The following PYCR1 variants were observed in gnomAD, a reference collection of about 807,000 sequenced individuals.
The protein encoded by PYCR1 is pyrroline-5-carboxylate reductase 1, also known as pyrroline-5-carboxylate reductase 1, mitochondrial.
Under a neutral mutation model 22.9 loss-of-function variants are expected in PYCR1, and 19 were observed. That is an observed-to-expected ratio of 0.83 (90% CI 0.58 to 1.22). PYCR1 has a LOEUF of 1.22. Among genes scored for constraint, PYCR1 ranks in the 50% most tolerant of loss-of-function variants. PYCR1 has a pLI of 0.00. For missense variants in PYCR1, 429 were observed against 431.3 expected (o/e 0.99, Z 0.05); for synonymous variants, 175 against 180.5 (o/e 0.97, Z 0.24).
Position 81,935,456 on chromosome 17 carries a change from A to G in PYCR1, c.199T>C (p.Phe67Leu), listed in dbSNP as rs761922197. ...KETVQHSDVL[F>L]LAVKPHIIPF... ...ATGATGTGTGGCTTCACAGCCAGGAAGAGCACATCACTGTGCTGCACCGTC... is the reference window on the plus strand; with the variant it reads ...ATGATGTGTGGCTTCACAGCCAGGAGGAGCACATCACTGTGCTGCACCGTC... Residue 67 changes from phenylalanine to leucine, a missense_variant, in exon 3 of 7, where the codon TTC becomes CTC. Phe to Leu is a conservative substitution (Grantham distance 22, BLOSUM62 0). Transcript: ENST00000329875. The G allele has an allele frequency of 5.0e-6, 8 of 1,613,328 alleles. No homozygotes were observed. The African/African-American group carries it at 9.3e-5, about 19-fold the overall frequency.
rs777125670 is a variant in PYCR1, at chr17:81,935,491, T to A, written c.164A>T (p.His55Leu). The change falls in exon 3 of 7, where the codon CAC (histidine) becomes CTC (leucine). Residue 55 changes from histidine (H) to leucine (L), a missense_variant. Transcript: ENST00000329875. ...LRKMGVKLTP[H>L]NKETVQHSDV... ...ACTGTGCTGCACCGTCTCCTTGTTG[T>A]GGGGTGTCAACTTCACCCCCATCTT... is the stretch of plus-strand genomic sequence containing the variant. 1 of 1,611,902 alleles carries A rather than the reference T, an allele frequency of 6.2e-7. No individual in the cohort carries two copies. The highest frequency in any genetic ancestry group is 8.5e-7 in the Non-Finnish European group (1 of 1,179,260).
intron 1 of PYCR1, 134 bp from the exon 2 acceptor site, chr17:81,936,327 G>A (rs946881869): frequency 2.7e-5 from 22 of 819,888 alleles, no homozygotes; most frequent in Admixed American, 1.2e-4. Context: ...CCGGGTTCAC[G>A]CCATGCTCCT....
chr17:81,935,221 C>T lies in PYCR1; in HGVS notation c.319-74G>A. ...ATGCACTCACCCCACCAAGCAGTGCCCGAGCTCTCCCAGTGGGCCGGGACG... is the reference window on the plus strand; with the variant it reads ...ATGCACTCACCCCACCAAGCAGTGCTCGAGCTCTCCCAGTGGGCCGGGACG... On this transcript the variant is annotated intron_variant, in intron 3 of 6. Transcript: ENST00000329875. 2.6e-6 allele frequency: 4 copies of T among 1,564,290 alleles called. No homozygotes were observed. In the South Asian group the frequency reaches 4.5e-5, roughly 18 times the overall value.
chr17:81,935,695 C>A (rs2041168328), intron 2 of PYCR1, among the ~76,000 whole-genome samples, 179 bp from the exon 3 acceptor site: 1 of 152,190 alleles, frequency 6.6e-6, no homozygotes, highest in African/African-American at 2.4e-5. Flanking sequence ...GGAGGAAGAA[C>A]TCTGTGTGGA....
At position 81,936,878 on chromosome 17, in the gene PYCR1, G is replaced by A; in HGVS notation, c.-64C>T. ...GCACCGGCTCTGCGGGACGAGACCG[G>A]CAGGATCGAGAGCAAGTTAGGGGGG... On this transcript the variant is annotated 5_prime_UTR_variant, in exon 1 of 7. Coordinates refer to ENST00000329875, the MANE Select transcript of PYCR1 (RefSeq NM_006907.4). 1 of 1,564,392 alleles carries A rather than the reference G, an allele frequency of 6.4e-7. No homozygotes were observed. The highest frequency in any genetic ancestry group is 8.7e-7 in the Non-Finnish European group (1 of 1,155,814).
chr17:81,937,134 T>C lies in PYCR1; in HGVS notation c.-320A>G. ...ACGGGGAGAGGGAGGGCCCGGCGCCTAGGGGTCCCCCGTCTGGGTTCCCAC... is the reference window on the plus strand; with the variant it reads ...ACGGGGAGAGGGAGGGCCCGGCGCCCAGGGGTCCCCCGTCTGGGTTCCCAC... On this transcript the variant is annotated 5_prime_UTR_variant, in exon 1 of 7. An upstream open reading frame in the 5' UTR loses its in-frame stop. Coordinates refer to ENST00000329875, the MANE Select transcript of PYCR1 (RefSeq NM_006907.4). The C allele has an allele frequency of 7.0e-7, 1 of 1,430,730 alleles. No homozygotes were observed. Among genetic ancestry groups the C allele is most frequent in the Non-Finnish European group, 9.1e-7 (1 of 1,096,584 alleles). 88.6% of individuals were successfully genotyped at this position (1,430,730 alleles called of 1,614,324 possible).
rs1300922004 is a variant in PYCR1 at position 81,933,386 on chromosome 17, C to T, written c.798-10G>A. The T allele has an allele frequency of 1.9e-6, 3 of 1,613,332 alleles. No homozygotes were observed. The African/African-American group carries it at 4.0e-5, about 22-fold the overall frequency. ...CATGGACTGCAGCTCCCTAGAGAGG[C>T]AGGGAGAGGTTGGCTTTGGAGCACA... On this transcript the variant is annotated splice_polypyrimidine_tract_variant and intron_variant, in intron 6 of 6. Coordinates refer to ENST00000329875, the MANE Select transcript of PYCR1 (RefSeq NM_006907.4).
Position 81,934,410 on chromosome 17 carries a change from G to C in PYCR1, c.713C>G (p.Thr238Ser), listed in dbSNP as rs528157104. ...KDNVSSPGGA[T>S]IHALHVLESG... is the part of the protein sequence containing the mutation. ...CTCCAGCACATGCAAGGCATGGATG[G>C]TGGCCCCACCAGGAGAGCTGACGTT... The change falls in exon 6 of 7, where the codon ACC (threonine) becomes AGC (serine). Residue 238 changes from threonine to serine, a missense_variant. Physicochemically the swap from Thr to Ser is moderately conservative, Grantham distance 58. Transcript: ENST00000329875. 6 of 1,612,140 alleles carry C rather than the reference G, an allele frequency of 3.7e-6. No homozygotes were observed. Among genetic ancestry groups the C allele is most frequent in the Non-Finnish European group, 5.1e-6 (6 of 1,179,804 alleles).
At position 81,936,267 on chromosome 17, in the gene PYCR1, C is replaced by A. The variant is rs536573453; in HGVS notation, c.68-74G>T. ...TTGAGACGGAGTCTCGCTGTGTTGC[C>A]CAGGCTGGAGTGCAGTGGCGCAATC... On this transcript the variant is annotated intron_variant, in intron 1 of 6. Transcript: ENST00000329875. 534 of 1,484,150 alleles carry A rather than the reference C, an allele frequency of 3.6e-4. No homozygotes were observed. In the African/African-American group the frequency reaches 7.0e-3, roughly 19 times the overall value. The allele number at this position is 1,484,150 out of a possible 1,614,324, so 91.9% of individuals were successfully genotyped here.
rs147653673 is a variant in PYCR1, at chr17:81,935,132, G to A, written c.334C>T (p.Arg112Trp). 2,436 of 1,607,872 alleles carry A rather than the reference G, an allele frequency of 1.5e-3. 5 individuals are homozygous for A. The highest frequency in any genetic ancestry group is 1.9e-3 in the Non-Finnish European group (2,270 of 1,179,712). ...SSIEKKLSAFRPAPRVIRCMT... is the reference protein window; with the variant it reads ...SSIEKKLSAFWPAPRVIRCMT... ...CAGCGGATGACCCTGGGGGCTGGCCGAAACGCTGACAGCTTCTGGAAGAGA... is the reference window on the plus strand; with the variant it reads ...CAGCGGATGACCCTGGGGGCTGGCCAAAACGCTGACAGCTTCTGGAAGAGA... The change falls in exon 4 of 7, where the codon CGG becomes TGG. Residue 112 changes from arginine (R) to tryptophan (W), a missense_variant. Coordinates refer to ENST00000329875, the MANE Select transcript of PYCR1 (RefSeq NM_006907.4).
rs2041012743 is a variant in PYCR1 at position 81,932,417 on chromosome 17, T to TA, written c.*796dup. 4.4e-6 allele frequency: 1 copy of TA among 228,598 alleles called. No homozygotes were observed. Among genetic ancestry groups the TA allele is most frequent in the Non-Finnish European group, 8.8e-6 (1 of 113,196 alleles). The allele number at this position is 228,598 out of a possible 1,614,324, so 14.2% of individuals were successfully genotyped here. ...TAGATTACATTGACATTTTAATCAG[T>TA]AAGGCAGATGCCCTCCAAGATGTGG... On this transcript the variant is annotated 3_prime_UTR_variant, in exon 7 of 7. Coordinates refer to ENST00000329875, the MANE Select transcript of PYCR1 (RefSeq NM_006907.4).
rs376224415 is a variant in PYCR1, at chr17:81,935,025, C to T, written c.441G>A (p.Arg147=). The T allele has an allele frequency of 7.5e-6, 12 of 1,610,262 alleles. No individual in the cohort carries two copies. Among genetic ancestry groups the T allele is most frequent in the East Asian group, 4.5e-5 (2 of 44,900 alleles). The change falls in exon 4 of 7, where the codon AGG becomes AGA. Residue 147 remains arginine (R), a synonymous_variant. Transcript: ENST00000329875. ...TGTHAQVEDG[R]LMEQLLSSVG... is the part of the protein sequence containing the mutation. ...CGCTGCTCAGCAGCTGCTCCATGAG[C>T]CTCCCGTCCTCCACCTGGGCGTGCG...
rs1371523237 is a variant in PYCR1 at position 81,935,151 on chromosome 17, G to A, written c.319-4C>T. 7 of 1,604,680 alleles carry A rather than the reference G, an allele frequency of 4.4e-6. No individual in the cohort carries two copies. The highest frequency in any genetic ancestry group is 1.8e-4 in the Middle Eastern group (1 of 5,588). ...CTGGCCGAAACGCTGACAGCTTCTG[G>A]AAGAGAAACCAGCGTGTCCGTCTGG... On this transcript the variant is annotated splice_polypyrimidine_tract_variant and splice_region_variant and intron_variant, in intron 3 of 6. Transcript: ENST00000329875.
rs2041022095 is a variant in PYCR1, at chr17:81,932,775, G to T, written c.*439C>A. On this transcript the variant is annotated 3_prime_UTR_variant, in exon 7 of 7. Coordinates refer to ENST00000329875, the MANE Select transcript of PYCR1 (RefSeq NM_006907.4). ...TGGACCCTCTGGCCCTTCTCACACG[G>T]GAAGGAGAGGTTTCTCCCTGAATGG... 2.1e-6 allele frequency: 3 copies of T among 1,453,522 alleles called. No individual in the cohort carries two copies. Among genetic ancestry groups the T allele is most frequent in the Non-Finnish European group, 2.8e-6 (3 of 1,072,110 alleles). 90.0% of individuals were successfully genotyped at this position (1,453,522 alleles called of 1,614,324 possible).
At chr17:81,934,097 A>G (rs756676366) in intron 6 of PYCR1, 2 of 630,290 alleles carry the variant, frequency 3.2e-6, no homozygotes, top group Non-Finnish European at 5.7e-6. Context: ...AGCACAGGGC[A>G]CAGCATCCGG....
At chr17:81,936,685 G>T in intron 1 of PYCR1, 63 bp downstream of exon 1, 1 of 1,533,020 alleles carries the variant, frequency 6.5e-7, no homozygotes, top group Non-Finnish European at 8.9e-7. Context: ...CCCCAGCCCT[G>T]CAGAAGTGGA....
intron 6 of PYCR1, 133 bp downstream of exon 6, chr17:81,934,193 C>T (rs888242360): frequency 1.4e-6 from 2 of 1,398,188 alleles, no homozygotes; most frequent in East Asian, 2.4e-5. Context: ...CTCGGGGCCC[C>T]CTGTGTCCTG....
chr17:81,937,191 A>G lies in PYCR1; in HGVS notation c.-377T>C, dbSNP rs1338917005. On this transcript the variant is annotated 5_prime_UTR_variant, in exon 1 of 7. Coordinates refer to ENST00000329875, the MANE Select transcript of PYCR1 (RefSeq NM_006907.4). ...CAGAACTGGGCTACCGTCGCGCCCC[A>G]CCCGGCGACCGCCGCCCACCATTCC... The G allele has an allele frequency of 2.2e-5, 32 of 1,471,200 alleles. No individual in the cohort carries two copies. Among genetic ancestry groups the G allele is most frequent in the Non-Finnish European group, 2.8e-5 (31 of 1,116,000 alleles). 91.1% of individuals were successfully genotyped at this position (1,471,200 alleles called of 1,614,324 possible).
At position 81,935,164 on chromosome 17, in the gene PYCR1, C is replaced by T. The variant is rs888540064; in HGVS notation, c.319-17G>A. ...TGACAGCTTCTGGAAGAGAAACCAGCGTGTCCGTCTGGCCATGGACGCAGT... is the reference window on the plus strand; with the variant it reads ...TGACAGCTTCTGGAAGAGAAACCAGTGTGTCCGTCTGGCCATGGACGCAGT... On this transcript the variant is annotated splice_polypyrimidine_tract_variant and intron_variant, in intron 3 of 6. Transcript: ENST00000329875. 1.1e-5 allele frequency: 17 copies of T among 1,597,536 alleles called. 1 individual carries two copies. Among genetic ancestry groups the T allele is most frequent in the Middle Eastern group, 1.8e-4 (1 of 5,528 alleles).
Sources: allele counts gnomAD v4.1 joint callset (sites outside exome capture counted in the v4.1 genomes callset), GRCh38; gene constraint gnomAD v4.1.1; transcripts MANE v1.5; gene names NCBI Gene and HGNC (gene_info 2026-07-23, HGNC 2026-07-21).